AGBL1: variants seen among roughly 807,000 people sequenced by gnomAD.
AGBL1 encodes cytosolic carboxypeptidase 4.
A neutral mutation model predicts 118.9 loss-of-function variants in AGBL1; 130 were observed. The ratio of observed to expected loss-of-function variants is 1.09; its 90% CI spans 0.95 to 1.26. The LOEUF (loss-of-function observed/expected upper bound fraction) is 1.26. AGBL1 is among the 50% of genes most tolerant of loss of function. The pLI is 0.00. For missense variants in AGBL1, 1,584 were observed against 1,298.1 expected, an observed-to-expected ratio of 1.22 and a Z score of -3.38; for synonymous variants, 555 against 478.9, an observed-to-expected ratio of 1.16 and a Z score of -2.08.
intron 22 of AGBL1, among the ~76,000 whole-genome samples, chr15:86,758,966 C>CAAAAAAAAAAA (rs80297816): frequency 5.1e-4 from 41 of 80,284 alleles, no homozygotes; most frequent in East Asian, 1.7e-3. Context: ...GACACCCTGT[C>CAAAAAAAAAAA]AAAAAAAAAA....
At chr15:86,838,498 G>C (rs1391923031) in intron 22 of AGBL1, among the ~76,000 whole-genome samples, 1 of 152,258 alleles carries the variant, frequency 6.6e-6, no homozygotes, top group East Asian at 1.9e-4. Context: ...AATAACGTTT[G>C]ACTGTCTGTC....
intron 23 of AGBL1, chr15:86,946,269 C>A (rs1346774059): frequency 1.3e-5 from 2 of 152,196 alleles, no homozygotes; most frequent in East Asian, 1.9e-4. Flanking sequence ...GCTGAGCAGA[C>A]TGGATCTTGC....
At chr15:86,510,561 T>A (rs557593317) in intron 18 of AGBL1, among the ~76,000 whole-genome samples, 16 of 152,232 alleles carry the variant, frequency 1.1e-4, no homozygotes, top group Non-Finnish European at 2.4e-4. Flanking sequence ...AGACTAGAAG[T>A]TCTATTGCAA....
At chr15:86,534,447 T>G (rs1244561047) in intron 19 of AGBL1, among the ~76,000 whole-genome samples, 1 of 152,164 alleles carries the variant, frequency 6.6e-6, no homozygotes, top group Non-Finnish European at 1.5e-5. Context: ...CCCTGTGAAA[T>G]TGAAAGTCCA....
chr15:86,593,003 T>C (rs2084358832), intron 21 of AGBL1, among the ~76,000 whole-genome samples: 1 of 152,212 alleles, frequency 6.6e-6, no homozygotes, highest in Non-Finnish European at 1.5e-5. Flanking sequence ...TATCATTCTA[T>C]GACAAGGGAA....
chr15:86,707,484 C>T lies in AGBL1; in HGVS notation c.3158+33048C>T, dbSNP rs558414401. Among the ~76,000 whole-genome samples, 4 of 152,210 alleles carry T rather than the reference C, an allele frequency of 2.6e-5. No homozygotes were observed. The East Asian group carries it at 7.8e-4, about 30-fold the overall frequency. On this transcript the variant is annotated intron_variant, in intron 22 of 22. Coordinates refer to ENST00000614907, the MANE Select transcript of AGBL1 (RefSeq NM_001386094.1). ...GAGAGAGCATTAAATAAAACATACTCTGCCACGTTTGCACACACCACATCC... is the reference window on the plus strand; with the variant it reads ...GAGAGAGCATTAAATAAAACATACTTTGCCACGTTTGCACACACCACATCC...
chr15:87,011,534 T>G (rs16939669), intron 24 of AGBL1, among the ~76,000 whole-genome samples: 15,699 of 152,282 alleles, frequency 0.1, 1,623 homozygotes, highest in African/African-American at 0.27. Context: ...ATTCCCCTTG[T>G]ATTCCTTTCA....
chr15:86,244,177 A>G (rs982760699), intron 6 of AGBL1, among the ~76,000 whole-genome samples: 1 of 152,148 alleles, frequency 6.6e-6, no homozygotes, highest in African/African-American at 2.4e-5. Context: ...AAATCTTAGG[A>G]AAACGCTGTT....
downstream of AGBL1, among the ~76,000 whole-genome samples, chr15:86,920,852 T>A (rs2080475556): frequency 6.6e-6 from 1 of 152,198 alleles, no homozygotes; most frequent in Admixed American, 6.5e-5. Flanking sequence ...GACATAGTTT[T>A]TTTCCTTCAT....
At chr15:86,879,493 A>G (rs1596583983) in intron 22 of AGBL1, among the ~76,000 whole-genome samples, 1 of 152,224 alleles carries the variant, frequency 6.6e-6, no homozygotes, top group East Asian at 1.9e-4. Context: ...TCCTTCAGTG[A>G]GACATTTCCC....
At chr15:87,009,445 C>T (rs1250208168) in intron 24 of AGBL1, among the ~76,000 whole-genome samples, 2 of 152,206 alleles carry the variant, frequency 1.3e-5, no homozygotes, top group Non-Finnish European at 2.9e-5. Flanking sequence ...CAGAAGTTTG[C>T]TGCAGGAGCA....
Position 86,915,431 on chromosome 15 carries a change from T to G in AGBL1, c.*8137T>G, listed in dbSNP as rs923486536. On this transcript the variant is annotated 3_prime_UTR_variant, in exon 23 of 23. Transcript: ENST00000614907. ...CAGCCCCTGTTAAAGTCATAAAAAC[T>G]TACTTTCAATTCTCAGAAAGCACCT... 5.9e-5 allele frequency: 9 copies of G among 152,220 alleles called. No homozygotes were observed. Among genetic ancestry groups the G allele is most frequent in the African/African-American group, 2.2e-4 (9 of 41,436 alleles). 9.4% of individuals were successfully genotyped at this position (152,220 alleles called of 1,614,324 possible). A position where few individuals can be genotyped will look rare whatever the true frequency, so the allele number is the denominator to read the frequency against.
intron 22 of AGBL1, among the ~76,000 whole-genome samples, chr15:86,740,203 T>C (rs2141233520): frequency 6.6e-6 from 1 of 152,356 alleles, no homozygotes; most frequent in East Asian, 1.9e-4. Context: ...TCTTTTGTTG[T>C]AAAGTATAAA....
intron 1 of AGBL1, among the ~76,000 whole-genome samples, chr15:86,139,007 T>C (rs12439932): frequency 0.43 from 64,764 of 152,018 alleles, 13,983 homozygotes; most frequent in African/African-American, 0.47. Context: ...TTCTTATTTC[T>C]AGTTTTTCAT....
At position 86,536,368 on chromosome 15, in the gene AGBL1, C is replaced by T. The variant is rs183456369; in HGVS notation, c.2686-9634C>T. 1.8e-3 allele frequency among the ~76,000 whole-genome samples: 270 copies of T among 152,174 alleles called. 1 individual carries two copies. Among genetic ancestry groups the T allele is most frequent in the African/African-American group, 6.3e-3 (262 of 41,528 alleles). On this transcript the variant is annotated intron_variant, in intron 19 of 22. Coordinates refer to ENST00000614907, the MANE Select transcript of AGBL1 (RefSeq NM_001386094.1). ...GATCTGTCACCAGGCTGGAGTGCAGCGGTGCAATCTCAGTTCACTGCAATT... is the reference window on the plus strand; with the variant it reads ...GATCTGTCACCAGGCTGGAGTGCAGTGGTGCAATCTCAGTTCACTGCAATT...
downstream of AGBL1, among the ~76,000 whole-genome samples, chr15:87,030,665 T>C (rs537713758): frequency 2.2e-4 from 34 of 152,072 alleles, 2 homozygotes; most frequent in South Asian, 7.0e-3. Flanking sequence ...CTTGTGCACT[T>C]TTCCCCTCTT....
At chr15:86,120,881 T>A (rs577817943) in intron 1 of AGBL1, among the ~76,000 whole-genome samples, 10 of 151,670 alleles carry the variant, frequency 6.6e-5, no homozygotes, top group Middle Eastern at 3.4e-3. Context: ...TCCCTTTAAG[T>A]TCTTGTTTGC....
intron 22 of AGBL1, among the ~76,000 whole-genome samples, chr15:86,874,815 G>A (rs1407155144): frequency 6.6e-6 from 1 of 152,132 alleles, no homozygotes; most frequent in Non-Finnish European, 1.5e-5. Context: ...CCAGACATAT[G>A]CTACTTTCTA....
At chr15:86,838,310 G>C (rs1297616912) in intron 22 of AGBL1, among the ~76,000 whole-genome samples, 1 of 152,052 alleles carries the variant, frequency 6.6e-6, no homozygotes, top group African/African-American at 2.4e-5. Flanking sequence ...TATATACCAA[G>C]CTTCTTATAG....
Sources: gnomAD v4.1 joint callset for allele counts (sites outside exome capture counted in the v4.1 genomes callset) on GRCh38, gnomAD v4.1.1 for gene constraint, MANE v1.5 for transcripts, NCBI Gene and HGNC (gene_info 2026-07-23, HGNC 2026-07-21) for gene names.